The following ATP2B4 variants were observed in gnomAD, a reference collection of about 807,000 sequenced individuals.
ATP2B4 encodes the protein plasma membrane calcium-transporting ATPase 4.
Under a neutral mutation model 110.3 loss-of-function variants are expected in ATP2B4, and 39 were observed. The ratio of observed to expected loss-of-function variants is 0.35; its 90% confidence interval spans 0.27 to 0.46. The LOEUF is 0.46. Ranked by LOEUF, ATP2B4 falls within the 20% of genes least tolerant of loss-of-function variation. The pLI is 1.00. For missense variants in ATP2B4, 1,135 were observed against 1,530.9 expected (o/e 0.74, Z 4.32); for synonymous variants, 538 against 571.7 (o/e 0.94, Z 0.84).
In ATP2B4 at chr1:203,700,745, A is replaced by G. The variant is rs369468771; in HGVS notation, c.776-53A>G. The G allele has an allele frequency of 7.5e-6, 12 of 1,605,228 alleles. No homozygotes were observed. In the East Asian group the frequency reaches 1.6e-4, roughly 21 times the overall value. On this transcript the variant is annotated intron_variant, in intron 5 of 20. Transcript: ENST00000357681. ...CTAAGTTTGTGTTTCATACCAAATC[A>G]TGTCTAGGTATTAAAAAACCCATTC...
intron 1 of ATP2B4, among the ~76,000 whole-genome samples, chr1:203,641,153 C>T (rs1007770332): frequency 6.6e-6 from 1 of 152,258 alleles, no homozygotes; most frequent in African/African-American, 2.4e-5. Flanking sequence ...CACAGATGGG[C>T]TCCTGCTCTT....
At chr1:203,631,478 G>A (rs11240613) in intron 1 of ATP2B4, among the ~76,000 whole-genome samples, 148,279 of 152,298 alleles carry the variant, frequency 0.97, 72,314 homozygotes, top group Middle Eastern at 1. Flanking sequence ...AGGAAGGTCA[G>A]GGACTCTCAG....
chr1:203,644,806 G>C (rs1398570850), intron 1 of ATP2B4, among the ~76,000 whole-genome samples: 1 of 152,156 alleles, frequency 6.6e-6, no homozygotes, highest in African/African-American at 2.4e-5. Flanking sequence ...TGGTCTCCTA[G>C]AATTATTGAG....
At position 203,642,900 on chromosome 1, in the gene ATP2B4, C is replaced by T. The variant is rs190028126; in HGVS notation, c.-465+15681C>T. Among the ~76,000 whole-genome samples, 356 of 152,326 alleles carry T rather than the reference C, an allele frequency of 2.3e-3. 1 individual carries two copies. Among genetic ancestry groups the T allele is most frequent in the African/African-American group, 8.3e-3 (343 of 41,568 alleles). ...TGATACATGTTCTGAGTGCCTGGCT[C>T]ACTACTATGAGCCAGGGTAGTCATC... On this transcript the variant is annotated intron_variant, in intron 1 of 20. Transcript: ENST00000357681.
chr1:203,703,164 C>A (rs962166992), intron 7 of ATP2B4, among the ~76,000 whole-genome samples: 1 of 145,148 alleles, frequency 6.9e-6, no homozygotes, highest in South Asian at 2.2e-4. Context: ...CCCTGACAAT[C>A]GAGAGAGAGA....
intron 2 of ATP2B4, among the ~76,000 whole-genome samples, chr1:203,691,185 CCCTTTATG>C (rs1665362613): frequency 1.3e-5 from 2 of 152,180 alleles, no homozygotes; most frequent in African/African-American, 4.8e-5. Flanking sequence ...TCTCCTGGAG[CCCTTTATG>C]CTCCATTCCT....
At chr1:203,686,754 C>A (rs6594010) in intron 2 of ATP2B4, among the ~76,000 whole-genome samples, 112,080 of 134,040 alleles carry the variant, frequency 0.84, 47,550 homozygotes, top group East Asian at 1. Flanking sequence ...AGTGTAATGG[C>A]GCGATATTGG....
chr1:203,659,247 G>A (rs1406682460), intron 1 of ATP2B4, among the ~76,000 whole-genome samples: 4 of 152,104 alleles, frequency 2.6e-5, no homozygotes, highest in Non-Finnish European at 5.9e-5. Context: ...TTATGGTTGT[G>A]ATATCGAAGA....
At chr1:203,637,918 C>CGGGA (rs531023442) in intron 1 of ATP2B4, among the ~76,000 whole-genome samples, 255 of 152,212 alleles carry the variant, frequency 1.7e-3, no homozygotes, top group African/African-American at 5.6e-3. Flanking sequence ...GATACAAGAG[C>CGGGA]GGGAACACAC....
chr1:203,658,668 A>G (rs1664239266), intron 1 of ATP2B4, among the ~76,000 whole-genome samples: 1 of 152,268 alleles, frequency 6.6e-6, no homozygotes, highest in African/African-American at 2.4e-5. Flanking sequence ...TGATAGGAAT[A>G]AAATGAAGAT....
rs1666295104 is a variant in ATP2B4 at position 203,720,725 on chromosome 1, A to C, written c.2583A>C (p.Gly861=). ...NVVAVIVAFT[G]ACITQDSPLK... ...TGGCCGTGATTGTAGCCTTCACTGG[A>C]GCCTGTATCACTCAGGTGAAGGGGG... The change falls in exon 16 of 21, where the codon GGA becomes GGC. Residue 861 remains glycine, a synonymous_variant. Coordinates refer to ENST00000357681, the MANE Select transcript of ATP2B4 (RefSeq NM_001684.5). The C allele has an allele frequency of 6.2e-7, 1 of 1,612,276 alleles. No individual in the cohort carries two copies. The highest frequency in any genetic ancestry group is 2.2e-5 in the East Asian group (1 of 44,876).
chr1:203,692,384 G>A (rs1319735193), intron 2 of ATP2B4, among the ~76,000 whole-genome samples: 2 of 151,960 alleles, frequency 1.3e-5, no homozygotes, highest in African/African-American at 4.8e-5. Context: ...TTTCCGTATT[G>A]CCCCGGCTGG....
chr1:203,657,786 G>A, intron 1 of ATP2B4: 1 of 619,146 alleles, frequency 1.6e-6, no homozygotes, highest in Non-Finnish European at 2.9e-6. Context: ...ACCACCAGGA[G>A]TAGCCCCTGA....
At chr1:203,718,126 A>G (rs1035295866) in intron 15 of ATP2B4, among the ~76,000 whole-genome samples, 24 of 152,142 alleles carry the variant, frequency 1.6e-4, no homozygotes, top group Admixed American at 1.4e-3. Context: ...GTTTGCTCAC[A>G]AAGAGAAAAT....
At position 203,743,633 on chromosome 1, in the gene ATP2B4, C is replaced by A. The variant is rs749857737; in HGVS notation, c.*3779C>A. On this transcript the variant is annotated 3_prime_UTR_variant, in exon 21 of 21. Transcript: ENST00000357681. ...ATCTACGTTGTTCTTTTCAAATTAG[C>A]ACGCAGATAGGAATTTTGAGTTTCT... 2.0e-5 allele frequency: 3 copies of A among 152,606 alleles called. No individual in the cohort carries two copies. The highest frequency in any genetic ancestry group is 2.4e-5 in the African/African-American group (1 of 41,456). 9.5% of individuals were successfully genotyped at this position (152,606 alleles called of 1,614,324 possible).
chr1:203,685,730 T>C (rs1313246747), intron 2 of ATP2B4, among the ~76,000 whole-genome samples: 1 of 152,230 alleles, frequency 6.6e-6, no homozygotes, highest in East Asian at 1.9e-4. Flanking sequence ...CTCTACAGTT[T>C]ACTCAGCCTC....
rs1442938688 is a variant in ATP2B4, at chr1:203,721,328, T to G, written c.2730T>G (p.Pro910=). The G allele has an allele frequency of 1.2e-6, 2 of 1,614,220 alleles. No homozygotes were observed. The highest frequency in any genetic ancestry group is 3.3e-5 in the Admixed American group (2 of 60,022). The change falls in exon 17 of 21, where the codon CCT becomes CCG. Residue 910 remains proline, a synonymous_variant. Coordinates refer to ENST00000357681, the MANE Select transcript of ATP2B4 (RefSeq NM_001684.5). The part of the protein sequence containing the change: ...LKRRPYGRNK[P]LISRTMMKNI... Reference sequence around the variant, plus strand: ...GGCGCCCCTATGGCCGAAATAAGCCTCTGATCTCACGCACTATGATGAAGA... The same window carrying G: ...GGCGCCCCTATGGCCGAAATAAGCCGCTGATCTCACGCACTATGATGAAGA...
intron 1 of ATP2B4, among the ~76,000 whole-genome samples, chr1:203,681,496 G>A (rs1233062412): frequency 2.0e-5 from 3 of 152,142 alleles, no homozygotes; most frequent in Non-Finnish European, 2.9e-5. Flanking sequence ...CGTAACCGGG[G>A]CTGGGGTCCC....
At chr1:203,632,347 AATT>A (rs1414728509) in intron 1 of ATP2B4, among the ~76,000 whole-genome samples, 2 of 149,974 alleles carry the variant, frequency 1.3e-5, no homozygotes, top group African/African-American at 4.9e-5. Context: ...AGAAGTAAGA[AATT>A]TTTTTTTTTT....
Sources: gnomAD v4.1 joint callset for allele counts (sites outside exome capture counted in the v4.1 genomes callset) on GRCh38, gnomAD v4.1.1 for gene constraint, MANE v1.5 for transcripts, NCBI Gene and HGNC (gene_info 2026-07-23, HGNC 2026-07-21) for gene names.